The following KLF12 variants were observed in gnomAD, a reference collection of about 807,000 sequenced individuals.
The protein encoded by KLF12 is KLF transcription factor 12, also known as Krueppel-like factor 12.
In KLF12, 9 loss-of-function variants were observed where a neutral mutation model predicts 37.8. The ratio of observed to expected loss-of-function variants is 0.24; its 90% CI spans 0.14 to 0.42. The LOEUF is 0.42. Among genes scored for constraint, KLF12 ranks in the 10% least tolerant of loss-of-function variants. KLF12 has a pLI of 1.00. For synonymous variants in KLF12, 208 were observed against 202.1 expected, an observed-to-expected ratio of 1.03 and a Z score of -0.25; for missense variants, 411 against 516.0, an observed-to-expected ratio of 0.80 and a Z score of 1.97.
intron 4 of KLF12, among the ~76,000 whole-genome samples, chr13:73,837,197 C>T (rs1884479924): frequency 6.6e-6 from 1 of 152,162 alleles, no homozygotes; most frequent in Non-Finnish European, 1.5e-5. Context: ...GCTAATTAAA[C>T]TCATTTCTGG....
At chr13:74,297,386 A>G in the KLF12 span, among the ~76,000 whole-genome samples, 1 of 152,150 alleles carries the variant, frequency 6.6e-6, no homozygotes, top group Non-Finnish European at 1.5e-5. Flanking sequence ...ACTTCTCCGA[A>G]CCTTTAATAT....
chr13:73,859,006 C>A (rs889333375), intron 3 of KLF12, among the ~76,000 whole-genome samples: 62 of 152,152 alleles, frequency 4.1e-4, no homozygotes, highest in Non-Finnish European at 7.6e-4. Flanking sequence ...CATTATCTGG[C>A]AGATGGTGTA....
At chr13:73,756,644 GT>G (rs1296490109) in intron 6 of KLF12, among the ~76,000 whole-genome samples, 1 of 152,118 alleles carries the variant, frequency 6.6e-6, no homozygotes, top group Non-Finnish European at 1.5e-5. Flanking sequence ...CAAATTGATG[GT>G]TCTAATTTAT....
At chr13:74,290,892 T>C in the KLF12 span, among the ~76,000 whole-genome samples, 8 of 152,252 alleles carry the variant, frequency 5.3e-5, no homozygotes, top group Non-Finnish European at 1.0e-4. Context: ...AGTCTGTTTT[T>C]TGTTAAAATA....
the KLF12 span, among the ~76,000 whole-genome samples, chr13:74,288,016 A>G: frequency 2.2e-5 from 3 of 137,602 alleles, no homozygotes; most frequent in African/African-American, 8.0e-5. Context: ...GGAAGCTGCC[A>G]AGGGGTTGCC....
At chr13:73,978,067 AT>A (rs987653980) in intron 2 of KLF12, among the ~76,000 whole-genome samples, 2 of 152,194 alleles carry the variant, frequency 1.3e-5, no homozygotes, top group Non-Finnish European at 2.9e-5. Flanking sequence ...TTCAAAGATG[AT>A]TTTTTTAGAC....
At chr13:74,152,441 G>C in the KLF12 span, among the ~76,000 whole-genome samples, 28 of 152,046 alleles carry the variant, frequency 1.8e-4, no homozygotes, top group African/African-American at 6.8e-4. Flanking sequence ...TTGCATAATT[G>C]TATTACTTCC....
intron 5 of KLF12, among the ~76,000 whole-genome samples, chr13:73,765,606 G>A (rs758569435): frequency 1.7e-4 from 26 of 152,154 alleles, no homozygotes; most frequent in Non-Finnish European, 3.2e-4. Context: ...CCAGATAAAG[G>A]AGAAGTGAAG....
intron 4 of KLF12, among the ~76,000 whole-genome samples, chr13:73,844,255 A>G (rs1354527644): frequency 6.6e-6 from 1 of 152,226 alleles, no homozygotes; most frequent in Non-Finnish European, 1.5e-5. Context: ...TCATTTCTAA[A>G]TTGTAAAAGA....
At chr13:74,161,512 G>A in the KLF12 span, among the ~76,000 whole-genome samples, 2 of 152,126 alleles carry the variant, frequency 1.3e-5, no homozygotes, top group Admixed American at 1.3e-4. Flanking sequence ...GGTGCCAGAA[G>A]CCACCGGAAA....
chr13:74,041,014 T>C (rs1271406252), intron 1 of KLF12, among the ~76,000 whole-genome samples: 1 of 152,192 alleles, frequency 6.6e-6, no homozygotes, highest in Non-Finnish European at 1.5e-5. Flanking sequence ...AACAGTTGTC[T>C]AGGGTGACAA....
Position 73,695,658 on chromosome 13 carries a change from G to A in KLF12, c.1041C>T (p.Tyr347=). 3.1e-6 allele frequency: 5 copies of A among 1,613,948 alleles called. No individual in the cohort carries two copies. The highest frequency in any genetic ancestry group is 4.2e-6 in the Non-Finnish European group (5 of 1,179,882). ...AGGTGCAGCCTTCCCAGGTACACTT[G>A]TAAGGTTTCTCTCCTGGAAGAAACA... is the stretch of plus-strand genomic sequence containing the variant. The change falls in exon 8 of 8, where the codon TAC becomes TAT. Residue 347 remains tyrosine (Y), a synonymous_variant. Transcript: ENST00000377669.
chr13:74,185,156 A>G, the KLF12 span, among the ~76,000 whole-genome samples: 2 of 152,226 alleles, frequency 1.3e-5, no homozygotes, highest in South Asian at 2.1e-4. Flanking sequence ...AATTGTTAAT[A>G]TGTATGCCAA....
intron 3 of KLF12, among the ~76,000 whole-genome samples, chr13:73,935,126 T>C (rs1487811076): frequency 6.6e-6 from 1 of 151,946 alleles, no homozygotes; most frequent in Non-Finnish European, 1.5e-5. Context: ...ATTATAGGCA[T>C]GAGCCACAAC....
intron 5 of KLF12, among the ~76,000 whole-genome samples, chr13:73,780,322 T>C (rs1433333449): frequency 2.6e-5 from 4 of 152,148 alleles, no homozygotes; most frequent in Non-Finnish European, 5.9e-5. Flanking sequence ...ATTTCTGAGA[T>C]TTTGGTGCAC....
chr13:73,908,727 G>A (rs569431854), intron 3 of KLF12, among the ~76,000 whole-genome samples: 3 of 152,072 alleles, frequency 2.0e-5, no homozygotes, highest in African/African-American at 4.8e-5. Flanking sequence ...TGATCTGCCC[G>A]CCTAGGCCTC....
chr13:74,007,896 A>G, intron 1 of KLF12, among the ~76,000 whole-genome samples: 1 of 152,030 alleles, frequency 6.6e-6, no homozygotes, highest in East Asian at 1.9e-4. Flanking sequence ...AAAAAAAAAA[A>G]CGCAATGTGA....
chr13:74,221,105 C>T, the KLF12 span, among the ~76,000 whole-genome samples: 43 of 151,372 alleles, frequency 2.8e-4, no homozygotes, highest in South Asian at 2.1e-4. Flanking sequence ...CCCGGGTTCA[C>T]GCCATTCTCC....
intron 6 of KLF12, among the ~76,000 whole-genome samples, chr13:73,750,214 G>C (rs1878646032): frequency 6.6e-6 from 1 of 152,158 alleles, no homozygotes; most frequent in Admixed American, 6.6e-5. Context: ...TGAAAATATT[G>C]ACTAAGGAAT....
Sources: gnomAD v4.1 joint callset for allele counts (sites outside exome capture counted in the v4.1 genomes callset) on GRCh38, gnomAD v4.1.1 for gene constraint, MANE v1.5 for transcripts, NCBI Gene and HGNC (gene_info 2026-07-23, HGNC 2026-07-21) for gene names.